Variants in SDC3 observed in about 807,000 individuals in gnomAD.
The protein encoded by SDC3 is syndecan-3.
A neutral mutation model predicts 24.4 loss-of-function variants in SDC3; 13 were observed. The observed-to-expected ratio is 0.53, with a 90% CI of 0.35 to 0.85. SDC3 has a LOEUF of 0.85. Among genes scored for constraint, SDC3 ranks in the 40% least tolerant of loss-of-function variants. The probability of loss-of-function intolerance (pLI) is 0.01; values close to 1 mark genes in which losing one functional copy is unlikely to be tolerated. For missense variants in SDC3, 571 were observed against 584.5 expected, an observed-to-expected ratio of 0.98 and a Z score of 0.24; for synonymous variants, 295 against 260.9, an observed-to-expected ratio of 1.13 and a Z score of -1.26.
chr1:30,876,158 G>A (rs1414551488), intron 3 of SDC3, among the ~76,000 whole-genome samples: 3 of 152,168 alleles, frequency 2.0e-5, no homozygotes, highest in Admixed American at 6.5e-5. Flanking sequence ...CGTAGATGAG[G>A]AAGCGGAGGT....
At position 30,879,740 on chromosome 1, in the gene SDC3, G is replaced by A. The variant is rs184110356; in HGVS notation, c.139-1000C>T. Among the ~76,000 whole-genome samples, 6 of 152,310 alleles carry A rather than the reference G, an allele frequency of 3.9e-5. No individual in the cohort carries two copies. The East Asian group carries it at 1.2e-3, about 29-fold the overall frequency. ...CAGTGGCTGGGAGGCCTTTAGCTGG[G>A]AGGAGGGATACTAAGAGGTCTGTGG... On this transcript the variant is annotated intron_variant, in intron 1 of 4. Coordinates refer to ENST00000339394, the MANE Select transcript of SDC3 (RefSeq NM_014654.4).
intron 1 of SDC3, among the ~76,000 whole-genome samples, chr1:30,904,203 C>T (rs1012778211): frequency 3.3e-5 from 5 of 152,068 alleles, no homozygotes; most frequent in Non-Finnish European, 5.9e-5. Context: ...CCAGCCTTGG[C>T]GATAGAGACT....
Position 30,881,027 on chromosome 1 carries a change from G to GCACA in SDC3, c.139-2291_139-2288dup, listed in dbSNP as rs146814082. ...ACCCCCAAGACACGCGCGCACGCAT[G>GCACA]CACACACACACACACACACACACAC... On this transcript the variant is annotated intron_variant, in intron 1 of 4. Coordinates refer to ENST00000339394, the MANE Select transcript of SDC3 (RefSeq NM_014654.4). 5.9e-3 allele frequency among the ~76,000 whole-genome samples: 789 copies of GCACA among 134,632 alleles called. 4 individuals carry two copies. Among genetic ancestry groups the GCACA allele is most frequent in the Middle Eastern group, 0.015 (4 of 264 alleles). 88.3% of individuals were successfully genotyped at this position (134,632 alleles called of 152,430 possible). A position where few individuals can be genotyped will look rare whatever the true frequency, so the allele number is the denominator to read the frequency against.
In SDC3 at chr1:30,872,328, CGTGTCTGGGG is replaced by C. The variant is rs1639552860; in HGVS notation, c.*873_*882del. Reference sequence around the variant, plus strand: ...ATGACTAGTGACTTGCATTGCAGTACGTGTCTGGGGGTGTGTAAGTGATGCATGAGGATAA... The same window carrying C: ...ATGACTAGTGACTTGCATTGCAGTACGTGTGTAAGTGATGCATGAGGATAA... On this transcript the variant is annotated 3_prime_UTR_variant, in exon 5 of 5. Transcript: ENST00000339394. 6.6e-6 allele frequency: 1 copy of C among 152,244 alleles called. No homozygotes were observed. The highest frequency in any genetic ancestry group is 1.5e-5 in the Non-Finnish European group (1 of 68,064). 9.4% of individuals were successfully genotyped at this position (152,244 alleles called of 1,614,324 possible). A position where few individuals can be genotyped will look rare whatever the true frequency, so the allele number is the denominator to read the frequency against.
chr1:30,884,693 C>T (rs1639803564), intron 1 of SDC3, among the ~76,000 whole-genome samples: 1 of 152,222 alleles, frequency 6.6e-6, no homozygotes, highest in Non-Finnish European at 1.5e-5. Context: ...CCCTTCTCTG[C>T]CTTTCCTTTG....
intron 1 of SDC3, among the ~76,000 whole-genome samples, chr1:30,894,321 G>A (rs1639957694): frequency 7.5e-6 from 1 of 134,036 alleles, no homozygotes; most frequent in Non-Finnish European, 1.6e-5. Context: ...GTGCATGAGT[G>A]TGTGGATGAG....
At chr1:30,904,406 C>T (rs1638474471) in intron 1 of SDC3, among the ~76,000 whole-genome samples, 1 of 152,122 alleles carries the variant, frequency 6.6e-6, no homozygotes, top group Admixed American at 6.5e-5. Flanking sequence ...ACTCCTGCTG[C>T]CCCGGACCCC....
At chr1:30,888,619 G>A (rs1639864518) in intron 1 of SDC3, among the ~76,000 whole-genome samples, 1 of 152,216 alleles carries the variant, frequency 6.6e-6, no homozygotes. Context: ...AAGAATGTGT[G>A]TGTGTGTCCA....
chr1:30,909,113 A>G (rs1638600067), upstream of SDC3, among the ~76,000 whole-genome samples: 1 of 152,044 alleles, frequency 6.6e-6, no homozygotes, highest in Non-Finnish European at 1.5e-5. Context: ...GAGGGGTCGC[A>G]TGGGCGTTTT....
chr1:30,886,780 G>A (rs547273567), intron 1 of SDC3, among the ~76,000 whole-genome samples: 8 of 152,254 alleles, frequency 5.3e-5, no homozygotes, highest in South Asian at 2.1e-4. Context: ...CAGCCCCGAC[G>A]GAGGGAGCCC....
rs892749987 is a variant in SDC3 at position 30,870,234 on chromosome 1, A to G, written c.*2977T>C. Reference sequence around the variant, plus strand: ...CTGCCCAGCCCTGGTTGCCACCCACATGCCTCCAGCGATCAAGGGGACCAG... The same window carrying G: ...CTGCCCAGCCCTGGTTGCCACCCACGTGCCTCCAGCGATCAAGGGGACCAG... On this transcript the variant is annotated 3_prime_UTR_variant, in exon 5 of 5. Transcript: ENST00000339394. 2.8e-5 allele frequency: 7 copies of G among 251,248 alleles called. No homozygotes were observed. The Middle Eastern group carries it at 3.4e-3, about 123-fold the overall frequency. The allele number at this position is 251,248 out of a possible 1,614,324, so 15.6% of individuals were successfully genotyped here.
chr1:30,873,289 G>T lies in SDC3; in HGVS notation c.1251C>A (p.Gly417=), dbSNP rs765284740. ...GCTTGGGTTCCTCCAGCGTGTAGCT[G>T]CCCTCATCCTTTTTCTTCATACGAT... The part of the protein sequence containing the change: ...LIYRMKKKDE[G]SYTLEEPKQA... The change falls in exon 5 of 5, where the codon GGC becomes GGA. Residue 417 remains glycine, a synonymous_variant. Transcript: ENST00000339394. 1.4e-5 allele frequency: 22 copies of T among 1,612,166 alleles called. No individual in the cohort carries two copies. Among genetic ancestry groups the T allele is most frequent in the Non-Finnish European group, 1.5e-5 (18 of 1,178,312 alleles).
chr1:30,874,635 T>C, intron 3 of SDC3, 47 bp from the exon 4 acceptor site: 1 of 1,560,414 alleles, frequency 6.4e-7, no homozygotes, highest in Non-Finnish European at 8.8e-7. Context: ...CATGCATGCA[T>C]AACCCCCCAC....
At chr1:30,908,411 G>T in intron 1 of SDC3, 38 bp downstream of exon 1, 1 of 1,008,978 alleles carries the variant, frequency 9.9e-7, no homozygotes, top group South Asian at 4.1e-5. Context: ...GGGCGGCCCC[G>T]GGGAGCCGTG....
intron 1 of SDC3, among the ~76,000 whole-genome samples, chr1:30,889,274 C>G (rs1639872800): frequency 6.6e-6 from 1 of 152,236 alleles, no homozygotes; most frequent in South Asian, 2.1e-4. Flanking sequence ...CTGACTACTT[C>G]TCAGCCTAGT....
intron 1 of SDC3, among the ~76,000 whole-genome samples, chr1:30,883,792 G>A (rs556523714): frequency 5.9e-5 from 9 of 152,282 alleles, no homozygotes; most frequent in South Asian, 2.1e-4. Flanking sequence ...AGTCTGCCAC[G>A]AAGCATTCAG....
intron 2 of SDC3, 116 bp from the exon 3 acceptor site, chr1:30,877,281 C>A: frequency 2.2e-6 from 3 of 1,341,390 alleles, no homozygotes; most frequent in South Asian, 1.3e-5. Flanking sequence ...TCTCTTTACC[C>A]AATTTTCCCA....
chr1:30,882,846 T>C (rs1389981637), intron 1 of SDC3, among the ~76,000 whole-genome samples: 1 of 152,168 alleles, frequency 6.6e-6, no homozygotes, highest in African/African-American at 2.4e-5. Flanking sequence ...ACTACCCGGT[T>C]GGCTGTCAGG....
At chr1:30,889,626 GAA>G (rs200212313) in intron 1 of SDC3, among the ~76,000 whole-genome samples, 1 of 152,172 alleles carries the variant, frequency 6.6e-6, no homozygotes, top group East Asian at 1.9e-4. Context: ...CTGCCTTGTT[GAA>G]TATAGATGTT....
Sources: gnomAD v4.1 joint callset for allele counts (sites outside exome capture counted in the v4.1 genomes callset) on GRCh38, gnomAD v4.1.1 for gene constraint, MANE v1.5 for transcripts, NCBI Gene and HGNC (gene_info 2026-07-23, HGNC 2026-07-21) for gene names.